Variants in ZNF516 observed in about 807,000 individuals in gnomAD.
ZNF516 encodes the protein zinc finger protein 516.
ZNF516 carries 19 observed loss-of-function variants against 79.7 expected under a neutral mutation model. The ratio of observed to expected loss-of-function variants is 0.24; its 90% CI spans 0.17 to 0.35. The LOEUF is 0.35. Among genes scored for constraint, ZNF516 ranks in the 10% least tolerant of loss-of-function variants. The pLI, the probability that ZNF516 is intolerant of heterozygous loss-of-function variation, is 1.00. For synonymous variants in ZNF516, 877 were observed against 739.5 expected (o/e 1.19, Z -3.02); for missense variants, 1,678 against 1,679.5 (o/e 1.00, Z 0.02).
intron 3 of ZNF516, among the ~76,000 whole-genome samples, chr18:76,417,074 G>C (rs761312537): frequency 2.6e-5 from 4 of 152,182 alleles, no homozygotes; most frequent in Non-Finnish European, 5.9e-5. Flanking sequence ...ATGCTTCTCA[G>C]CTTGCAACCA....
At chr18:76,464,181 T>A (rs1913301606) in intron 1 of ZNF516, among the ~76,000 whole-genome samples, 1 of 151,882 alleles carries the variant, frequency 6.6e-6, no homozygotes, top group Non-Finnish European at 1.5e-5. Context: ...AAAAAAAATT[T>A]TAGTACTTTA....
At chr18:76,450,913 A>C (rs924103411) in intron 2 of ZNF516, among the ~76,000 whole-genome samples, 1 of 152,170 alleles carries the variant, frequency 6.6e-6, no homozygotes, top group Non-Finnish European at 1.5e-5. Context: ...TTTCCCTACA[A>C]CTACCGAAGT....
intron 1 of ZNF516, among the ~76,000 whole-genome samples, chr18:76,472,911 A>G (rs1185944813): frequency 6.6e-6 from 1 of 152,258 alleles, no homozygotes. Context: ...AAAAATTAAC[A>G]CTAATAGACT....
chr18:76,474,723 A>G (rs556174248), intron 1 of ZNF516, among the ~76,000 whole-genome samples: 28 of 152,332 alleles, frequency 1.8e-4, no homozygotes, highest in African/African-American at 6.7e-4. Context: ...AATTGGCTCT[A>G]TGATAACCCC....
rs549326604 is a variant in ZNF516 at position 76,481,636 on chromosome 18, T to C, written c.-272+13508A>G. On this transcript the variant is annotated intron_variant, in intron 1 of 6. Transcript: ENST00000443185. ...TCGGGTAAAAGGGGATGGGAATTAC[T>C]GCCTGTTTCCTAAGACCTGTGCATA... Among the ~76,000 whole-genome samples the C allele has an allele frequency of 7.2e-5, 11 of 152,350 alleles. No homozygotes were observed. The South Asian group carries it at 1.7e-3, about 23-fold the overall frequency.
intron 3 of ZNF516, among the ~76,000 whole-genome samples, chr18:76,401,773 T>TC (rs1568261847): frequency 0.028 from 7 of 246 alleles, no homozygotes; most frequent in Non-Finnish European, 0.046. Flanking sequence ...GCGCTCCATC[T>TC]CTCCACCAAC....
At chr18:76,489,236 A>T (rs1361431416) in intron 1 of ZNF516, among the ~76,000 whole-genome samples, 2 of 152,242 alleles carry the variant, frequency 1.3e-5, no homozygotes, top group African/African-American at 4.8e-5. Flanking sequence ...CAATACACTG[A>T]GTACTGGTTT....
At chr18:76,391,626 C>A (rs1451682045) in intron 3 of ZNF516, among the ~76,000 whole-genome samples, 1 of 152,204 alleles carries the variant, frequency 6.6e-6, no homozygotes, top group South Asian at 2.1e-4. Flanking sequence ...ATCCCAGACA[C>A]GTGACTAGGA....
chr18:76,394,868 C>T (rs2075123771), intron 3 of ZNF516, among the ~76,000 whole-genome samples: 1 of 151,836 alleles, frequency 6.6e-6, no homozygotes. Context: ...GGTCAGAACA[C>T]AGCCTCCAGG....
intron 6 of ZNF516, among the ~76,000 whole-genome samples, chr18:76,369,393 A>G (rs1246314161): frequency 6.6e-6 from 1 of 152,192 alleles, no homozygotes; most frequent in East Asian, 1.9e-4. Context: ...TTAACAATAC[A>G]CAGAAATTCC....
At chr18:76,453,727 A>G (rs1345259926) in intron 2 of ZNF516, among the ~76,000 whole-genome samples, 3 of 152,248 alleles carry the variant, frequency 2.0e-5, no homozygotes, top group African/African-American at 7.2e-5. Flanking sequence ...TTTCTTAGAA[A>G]TGATCAGCAG....
chr18:76,482,958 T>C (rs769923747), intron 1 of ZNF516, among the ~76,000 whole-genome samples: 7 of 152,196 alleles, frequency 4.6e-5, no homozygotes, highest in Non-Finnish European at 1.0e-4. Context: ...TCACCTAGTA[T>C]ATAGGTTCGG....
chr18:76,374,538 G>C (rs1438556088), intron 4 of ZNF516, among the ~76,000 whole-genome samples: 1 of 152,146 alleles, frequency 6.6e-6, no homozygotes, highest in African/African-American at 2.4e-5. Flanking sequence ...GGAAGTCTTT[G>C]AGACTTCCGT....
At chr18:76,487,756 A>C (rs1258655520) in intron 1 of ZNF516, among the ~76,000 whole-genome samples, 1 of 119,188 alleles carries the variant, frequency 8.4e-6, no homozygotes, top group Admixed American at 8.5e-5. Context: ...GTCCTGCCCC[A>C]CTCCCAAACT....
chr18:76,371,643 G>A (rs532412489), intron 4 of ZNF516, 72 bp from the exon 5 acceptor site: 5 of 1,261,100 alleles, frequency 4.0e-6, no homozygotes, highest in South Asian at 2.5e-5. Context: ...GCAGGAGAGC[G>A]AGGGGGAAGC....
chr18:76,397,497 T>TAC (rs199630637), intron 3 of ZNF516, among the ~76,000 whole-genome samples: 1 of 81,036 alleles, frequency 1.2e-5, no homozygotes, highest in African/African-American at 6.0e-5. Context: ...GATGACTGAG[T>TAC]ACACGTTTTC....
chr18:76,440,596 T>A (rs1042955647), intron 3 of ZNF516, among the ~76,000 whole-genome samples: 1 of 152,212 alleles, frequency 6.6e-6, no homozygotes. Flanking sequence ...AATATTTACA[T>A]GGCTATGTGA....
chr18:76,377,167 G>C (rs1217156555), intron 4 of ZNF516, among the ~76,000 whole-genome samples: 1 of 152,248 alleles, frequency 6.6e-6, no homozygotes, highest in African/African-American at 2.4e-5. Context: ...ACCCACGACA[G>C]CCTCCTCAGG....
At chr18:76,452,485 T>C (rs1023157605) in intron 2 of ZNF516, among the ~76,000 whole-genome samples, 12 of 152,202 alleles carry the variant, frequency 7.9e-5, no homozygotes, top group African/African-American at 2.9e-4. Context: ...CTTCTCCGGC[T>C]CTGCACCTCA....
Sources: allele counts gnomAD v4.1 joint callset (sites outside exome capture counted in the v4.1 genomes callset), GRCh38; gene constraint gnomAD v4.1.1; transcripts MANE v1.5; gene names NCBI Gene and HGNC (gene_info 2026-07-23, HGNC 2026-07-21).